Variants in ANK2 observed in about 807,000 individuals in gnomAD.
ANK2 encodes the protein ankyrin-2.
ANK2 carries 83 observed loss-of-function variants against 360.5 expected under a neutral mutation model. The ratio of observed to expected loss-of-function variants is 0.23; its 90% confidence interval spans 0.19 to 0.28. ANK2 has a LOEUF of 0.28. Ranked by LOEUF, ANK2 falls within the 10% of genes least tolerant of loss-of-function variation. The pLI is 1.00. For missense variants in ANK2, 4,201 were observed against 4,795.7 expected, an observed-to-expected ratio of 0.88 and a Z score of 3.66; for synonymous variants, 1,740 against 1,759.5, an observed-to-expected ratio of 0.99 and a Z score of 0.28.
intron 2 of ANK2, among the ~76,000 whole-genome samples, chr4:112,907,455 C>T (rs2085626078): frequency 6.6e-6 from 1 of 152,152 alleles, no homozygotes; most frequent in South Asian, 2.1e-4. Context: ...TTACAGTGGG[C>T]ATGCAGGATG....
intron 1 of ANK2, among the ~76,000 whole-genome samples, chr4:113,166,451 A>G (rs2097758936): frequency 6.6e-6 from 1 of 152,074 alleles, no homozygotes; most frequent in African/African-American, 2.4e-5. Flanking sequence ...ATATGTATAT[A>G]TATATATGCA....
At chr4:112,726,494 C>T in the ANK2 span, among the ~76,000 whole-genome samples, 1 of 151,968 alleles carries the variant, frequency 6.6e-6, no homozygotes, top group South Asian at 2.1e-4. Context: ...CTTCCCACCC[C>T]CACCTTGCCA....
chr4:113,331,987 A>G lies in ANK2; in HGVS notation c.3141A>G (p.Pro1047=), dbSNP rs1292235225. Reference sequence around the variant, plus strand: ...ATGTACTCAGTAAACTTCACCTGCCAACGGCTCCTCCCCCACTTAATGAGG... The same window carrying G: ...ATGTACTCAGTAAACTTCACCTGCCGACGGCTCCTCCCCCACTTAATGAGG... ...GAQFLGKLHL[P]TAPPPLNEGE... The change falls in exon 28 of 46, where the codon CCA becomes CCG. Residue 1047 remains proline, a synonymous_variant. Transcript: ENST00000357077. The G allele has an allele frequency of 6.2e-7, 1 of 1,614,050 alleles. No homozygotes were observed. The highest frequency in any genetic ancestry group is 8.5e-7 in the Non-Finnish European group (1 of 1,179,992).
intron 19 of ANK2, 30 bp from the exon 20 acceptor site, chr4:113,288,358 C>T: frequency 6.3e-7 from 1 of 1,575,642 alleles, no homozygotes; most frequent in Non-Finnish European, 8.7e-7. Context: ...TCTACTTTAT[C>T]TATTTTTAAC....
chr4:113,030,668 A>G (rs189005785), intron 2 of ANK2, among the ~76,000 whole-genome samples: 52 of 152,186 alleles, frequency 3.4e-4, no homozygotes, highest in Middle Eastern at 3.4e-3. Flanking sequence ...GTTTAAAAAA[A>G]TCTGCATCAT....
chr4:112,706,661 T>C, the ANK2 span: 8 of 152,184 alleles, frequency 5.3e-5, no homozygotes, highest in Admixed American at 5.2e-4. Context: ...GCTGGAAGCA[T>C]TTACTTCCAC....
At chr4:112,729,983 T>A in the ANK2 span, among the ~76,000 whole-genome samples, 1 of 151,954 alleles carries the variant, frequency 6.6e-6, no homozygotes, top group African/African-American at 2.4e-5. Flanking sequence ...ATGTTAGTTA[T>A]CAGGGGTAGG....
chr4:113,236,389 T>C (rs2099384346), intron 5 of ANK2, among the ~76,000 whole-genome samples: 1 of 152,164 alleles, frequency 6.6e-6, no homozygotes, highest in South Asian at 2.1e-4. Context: ...ATCTCAATGG[T>C]CAAAATAATA....
intron 2 of ANK2, among the ~76,000 whole-genome samples, chr4:112,956,820 T>C (rs1365638130): frequency 6.6e-6 from 1 of 152,164 alleles, no homozygotes; most frequent in African/African-American, 2.4e-5. Flanking sequence ...CCTGGGGTCC[T>C]GATGCAGAAA....
the ANK2 span, among the ~76,000 whole-genome samples, chr4:112,791,473 CTTCTTCTT>C: frequency 3.1e-5 from 3 of 97,836 alleles, no homozygotes; most frequent in African/African-American, 5.0e-5. Context: ...ACTTCTTCTT[CTTCTTCTT>C]TTTTTTTTTT....
At position 113,335,827 on chromosome 4, in the gene ANK2, G is replaced by T. The variant is rs747693405; in HGVS notation, c.3380-19G>T. The stretch of plus-strand genomic sequence containing the variant: ...AAATCTTTGCTATGTGAATGAAGGT[G>T]GGTCATTTCTTGTCTTAGTACTGGA... On this transcript the variant is annotated intron_variant, in intron 29 of 45. Coordinates refer to ENST00000357077, the MANE Select transcript of ANK2 (RefSeq NM_001148.6). 1.9e-6 allele frequency: 3 copies of T among 1,603,822 alleles called. No individual in the cohort carries two copies. The African/African-American group carries it at 4.0e-5, about 21-fold the overall frequency.
At chr4:113,030,231 C>A (rs1460094369) in intron 2 of ANK2, among the ~76,000 whole-genome samples, 1 of 152,062 alleles carries the variant, frequency 6.6e-6, no homozygotes, top group African/African-American at 2.4e-5. Context: ...TTAGGGAAGG[C>A]TCAACCATTT....
chr4:113,207,328 C>T (rs549950783), intron 4 of ANK2, among the ~76,000 whole-genome samples: 19 of 152,228 alleles, frequency 1.2e-4, no homozygotes, highest in African/African-American at 3.6e-4. Flanking sequence ...CTAAAATCTT[C>T]GGTAGATGTC....
At chr4:113,157,752 T>C (rs1175162067) in intron 1 of ANK2, among the ~76,000 whole-genome samples, 1 of 152,140 alleles carries the variant, frequency 6.6e-6, no homozygotes. Context: ...ATTTAGCACC[T>C]TTGGGGGAAC....
chr4:112,870,720 G>A (rs562876981), intron 1 of ANK2, among the ~76,000 whole-genome samples: 1 of 152,292 alleles, frequency 6.6e-6, no homozygotes, highest in Non-Finnish European at 1.5e-5. Context: ...AGGAAGTGTG[G>A]TTCTCCAACC....
intron 1 of ANK2, among the ~76,000 whole-genome samples, chr4:112,897,425 G>T (rs1413915977): frequency 6.6e-6 from 1 of 152,052 alleles, no homozygotes; most frequent in Non-Finnish European, 1.5e-5. Flanking sequence ...TGCATACATG[G>T]TTATAAAGAA....
At position 113,322,921 on chromosome 4, in the gene ANK2, G is replaced by A. The variant is rs542279351; in HGVS notation, c.2900+4301G>A. Among the ~76,000 whole-genome samples, 13 of 152,090 alleles carry A rather than the reference G, an allele frequency of 8.5e-5. No individual in the cohort carries two copies. The East Asian group carries it at 1.7e-3, about 20-fold the overall frequency. On this transcript the variant is annotated intron_variant, in intron 26 of 45. Transcript: ENST00000357077. ...ACAGCCTAGGGTTTTTTTTAGATAC[G>A]TGAAGGTAAATTCTTTTAGATGAGG...
At chr4:113,041,494 T>C (rs1402083300) in intron 2 of ANK2, among the ~76,000 whole-genome samples, 1 of 152,102 alleles carries the variant, frequency 6.6e-6, no homozygotes, top group African/African-American at 2.4e-5. Flanking sequence ...GGTTCTTCTA[T>C]CTCCAAACAT....
chr4:112,834,742 ATTGT>A (rs2060629795), intron 1 of ANK2, among the ~76,000 whole-genome samples: 1 of 152,092 alleles, frequency 6.6e-6, no homozygotes, highest in African/African-American at 2.4e-5. Flanking sequence ...TTGCAGTTGG[ATTGT>A]TTAAGAGTCA....
Sources: gnomAD v4.1 joint callset for allele counts (sites outside exome capture counted in the v4.1 genomes callset) on GRCh38, gnomAD v4.1.1 for gene constraint, MANE v1.5 for transcripts, NCBI Gene and HGNC (gene_info 2026-07-23, HGNC 2026-07-21) for gene names.